The following PRDM2 variants were observed in gnomAD, a reference collection of about 807,000 sequenced individuals.
The protein encoded by PRDM2 is PR domain zinc finger protein 2.
In PRDM2, 30 loss-of-function variants were observed where a neutral mutation model predicts 130.0. That is an observed-to-expected ratio of 0.23 (90% CI 0.17 to 0.31). PRDM2 has a LOEUF of 0.31. Ranked by LOEUF, PRDM2 falls within the 10% of genes least tolerant of loss-of-function variation. The probability of loss-of-function intolerance (pLI) is 1.00; values close to 1 mark genes in which losing one functional copy is unlikely to be tolerated. For synonymous variants in PRDM2, 871 were observed against 782.4 expected (o/e 1.11, Z -1.89); for missense variants, 2,011 against 2,108.4 (o/e 0.95, Z 0.90).
chr1:13,708,832 G>A (rs933647402), intron 1 of PRDM2, among the ~76,000 whole-genome samples: 1 of 152,126 alleles, frequency 6.6e-6, no homozygotes, highest in Non-Finnish European at 1.5e-5. Context: ...ATTGCCTCTG[G>A]TTCAGCAGCT....
At chr1:13,810,683 A>G (rs1645157325) in intron 8 of PRDM2, among the ~76,000 whole-genome samples, 1 of 151,322 alleles carries the variant, frequency 6.6e-6, no homozygotes, top group Non-Finnish European at 1.5e-5. Context: ...TTTAGTAGAG[A>G]CGGGGTTTCA....
chr1:13,748,510 A>G (rs1643685407), intron 5 of PRDM2, among the ~76,000 whole-genome samples: 1 of 152,120 alleles, frequency 6.6e-6, no homozygotes, highest in Non-Finnish European at 1.5e-5. Flanking sequence ...ATAGAATTTT[A>G]CTTGTATTGA....
At chr1:13,764,048 A>C (rs561551077) in intron 6 of PRDM2, among the ~76,000 whole-genome samples, 1 of 152,290 alleles carries the variant, frequency 6.6e-6, no homozygotes, top group Non-Finnish European at 1.5e-5. Context: ...TTTTAAAACG[A>C]TGTTGTAGTT....
At chr1:13,805,980 G>C (rs1278581952) in intron 8 of PRDM2, among the ~76,000 whole-genome samples, 1 of 152,038 alleles carries the variant, frequency 6.6e-6, no homozygotes, top group African/African-American at 2.4e-5. Context: ...GCGTCCTCTG[G>C]GTTCCTGCCT....
At position 13,764,999 on chromosome 1, in the gene PRDM2, G is replaced by A. The variant is rs79528362; in HGVS notation, c.512-8079G>A. Among the ~76,000 whole-genome samples, 219 of 152,332 alleles carry A rather than the reference G, an allele frequency of 1.4e-3. 2 individuals carry two copies. The highest frequency in any genetic ancestry group is 5.1e-3 in the African/African-American group (214 of 41,572). On this transcript the variant is annotated intron_variant, in intron 6 of 9. Coordinates refer to ENST00000311066, the MANE Select transcript of PRDM2 (RefSeq NM_001393986.1). ...AAAAGGAAACTATAGAAAATGCATG[G>A]CATGTTAACTTTTATAAAAACTAAC...
chr1:13,799,586 TGAGCGACC>T (rs1644976352), intron 8 of PRDM2, among the ~76,000 whole-genome samples: 1 of 152,232 alleles, frequency 6.6e-6, no homozygotes, highest in Non-Finnish European at 1.5e-5. Context: ...GACTTTAGTT[TGAGCGACC>T]CACCAATATT....
intron 6 of PRDM2, among the ~76,000 whole-genome samples, chr1:13,751,507 A>G (rs1034326023): frequency 3.3e-5 from 5 of 152,008 alleles, no homozygotes; most frequent in African/African-American, 9.7e-5. Flanking sequence ...TATAGCTTGC[A>G]AAGACCTGAA....
At chr1:13,776,082 T>A (rs527790706) in intron 7 of PRDM2, among the ~76,000 whole-genome samples, 95 of 152,294 alleles carry the variant, frequency 6.2e-4, no homozygotes, top group African/African-American at 2.3e-3. Flanking sequence ...CTTTCCTGAT[T>A]AATCAAACCC....
At chr1:13,738,604 CT>C (rs1557609966) in intron 4 of PRDM2, 1 of 152,154 alleles carries the variant, frequency 6.6e-6, no homozygotes, top group East Asian at 1.9e-4. Flanking sequence ...ATTTTAGTAT[CT>C]CTATAAAAGT....
intron 8 of PRDM2, 138 bp downstream of exon 8, chr1:13,782,969 A>C: frequency 1.3e-6 from 2 of 1,524,678 alleles, no homozygotes; most frequent in Non-Finnish European, 1.8e-6. Context: ...AGTTAAAGGC[A>C]TGAAGGGTCA....
intron 2 of PRDM2, among the ~76,000 whole-genome samples, chr1:13,721,920 G>A (rs1430141640): frequency 6.6e-6 from 1 of 152,198 alleles, no homozygotes; most frequent in African/African-American, 2.4e-5. Flanking sequence ...AATGGGGACA[G>A]TAATGGTGCC....
chr1:13,768,443 G>A (rs1437099763), intron 6 of PRDM2, among the ~76,000 whole-genome samples: 2 of 150,196 alleles, frequency 1.3e-5, no homozygotes, highest in Non-Finnish European at 3.0e-5. Flanking sequence ...GCAGTGGCAC[G>A]ATCTCGGCTC....
chr1:13,821,543 A>G (rs1488419736), intron 9 of PRDM2, among the ~76,000 whole-genome samples: 2 of 151,666 alleles, frequency 1.3e-5, no homozygotes, highest in Admixed American at 6.6e-5. Flanking sequence ...GGTCGCTGCA[A>G]CCTCTGTCTC....
rs374497659 is a variant in PRDM2, at chr1:13,811,697, C to T, written c.5037-4730C>T. On this transcript the variant is annotated intron_variant, in intron 8 of 9. Coordinates refer to ENST00000311066, the MANE Select transcript of PRDM2 (RefSeq NM_001393986.1). Reference sequence around the variant, plus strand: ...TCTAGTGTTGAAGGAGTAAGCAACTCGACAGGCAAGGTGATTGCTGTGGGA... The same window carrying T: ...TCTAGTGTTGAAGGAGTAAGCAACTTGACAGGCAAGGTGATTGCTGTGGGA... Among the ~76,000 whole-genome samples, 121 of 152,300 alleles carry T rather than the reference C, an allele frequency of 7.9e-4. 1 individual carries two copies. The highest frequency in any genetic ancestry group is 2.8e-3 in the African/African-American group (118 of 41,566).
chr1:13,734,430 C>A (rs1177044827), intron 4 of PRDM2, among the ~76,000 whole-genome samples: 2 of 152,192 alleles, frequency 1.3e-5, no homozygotes, highest in Non-Finnish European at 2.9e-5. Context: ...TAACACTAAT[C>A]TTGAACAAAT....
chr1:13,817,335 T>A (rs1645273372), intron 9 of PRDM2, among the ~76,000 whole-genome samples: 1 of 152,232 alleles, frequency 6.6e-6, no homozygotes, highest in South Asian at 2.1e-4. Context: ...CCATAAAATA[T>A]AAAACTCAGA....
chr1:13,741,332 G>A (rs1208921329), intron 4 of PRDM2, among the ~76,000 whole-genome samples: 2 of 152,164 alleles, frequency 1.3e-5, no homozygotes, highest in Admixed American at 1.3e-4. Flanking sequence ...TCTTTTTGAA[G>A]GCCACTGATA....
At chr1:13,770,184 T>C (rs1644326492) in intron 6 of PRDM2, 1 of 336,454 alleles carries the variant, frequency 3.0e-6, no homozygotes, top group Non-Finnish European at 5.9e-6. Context: ...GGTCATGGCT[T>C]TTAAAGAGGA....
At chr1:13,791,064 G>C (rs1644830901) in intron 8 of PRDM2, among the ~76,000 whole-genome samples, 1 of 152,048 alleles carries the variant, frequency 6.6e-6, no homozygotes, top group South Asian at 2.1e-4. Context: ...TGGCAAGTTG[G>C]GATTTGAACT....
Sources: gnomAD v4.1 joint callset for allele counts (sites outside exome capture counted in the v4.1 genomes callset) on GRCh38, gnomAD v4.1.1 for gene constraint, MANE v1.5 for transcripts, NCBI Gene and HGNC (gene_info 2026-07-23, HGNC 2026-07-21) for gene names.